ABCG2: variants seen among roughly 807,000 people sequenced by gnomAD.
ABCG2 encodes the protein broad substrate specificity ATP-binding cassette transporter ABCG2.
ABCG2 carries 80 observed loss-of-function variants against 73.5 expected under a neutral mutation model. The ratio of observed to expected loss-of-function variants is 1.09; its 90% CI spans 0.91 to 1.31. The LOEUF is 1.31. Ranked by LOEUF, ABCG2 falls within the 50% of genes most tolerant of loss-of-function variation. ABCG2 has a pLI of 0.00. For synonymous variants in ABCG2, 269 were observed against 282.4 expected, an observed-to-expected ratio of 0.95 and a Z score of 0.48; for missense variants, 796 against 786.2, an observed-to-expected ratio of 1.01 and a Z score of -0.15.
At chr4:88,226,708 A>G (rs1380408610) in intron 1 of ABCG2, 1 of 152,418 alleles carries the variant, frequency 6.6e-6, no homozygotes, top group Non-Finnish European at 1.5e-5. Flanking sequence ...ATGATAATCT[A>G]TTATTCAGTA....
At chr4:88,195,876 A>C (rs977065755) in intron 1 of ABCG2, among the ~76,000 whole-genome samples, 2 of 152,080 alleles carry the variant, frequency 1.3e-5, no homozygotes, top group Non-Finnish European at 2.9e-5. Context: ...TTTTTCTCTT[A>C]CTAGTCAAAT....
At chr4:88,162,822 TCA>T (rs1727367823), upstream of ABCG2, among the ~76,000 whole-genome samples, 1 of 152,196 alleles carries the variant, frequency 6.6e-6, no homozygotes, top group Admixed American at 6.5e-5. Context: ...GTTAAGTGAC[TCA>T]CAGCCTTCCA....
chr4:88,231,470 T>G (rs192660723), upstream of ABCG2: 1 of 152,298 alleles, frequency 6.6e-6, no homozygotes, highest in Non-Finnish European at 1.5e-5. Flanking sequence ...GTCAGAGAGA[T>G]ATTTTTGTAT....
rs45462692 is a variant in ABCG2, at chr4:88,094,048, T to C, written c.1820+529A>G. On this transcript the variant is annotated intron_variant, in intron 15 of 15. Transcript: ENST00000237612. ...CTATGCGGCCTTTGATTTCATGATG[T>C]CTTCCAAATGCATGAGGCAGTGGAA... Among the ~76,000 whole-genome samples the C allele has an allele frequency of 4.4e-3, 673 of 152,314 alleles. 8 individuals are homozygous for C. The highest frequency in any genetic ancestry group is 0.016 in the African/African-American group (645 of 41,574).
chr4:88,184,901 C>T (rs1399620909), intron 1 of ABCG2, among the ~76,000 whole-genome samples: 1 of 152,148 alleles, frequency 6.6e-6, no homozygotes, highest in Non-Finnish European at 1.5e-5. Flanking sequence ...CATACATCTA[C>T]AGTGAATTCA....
At chr4:88,214,773 A>T (rs1729744515) in intron 1 of ABCG2, among the ~76,000 whole-genome samples, 1 of 151,936 alleles carries the variant, frequency 6.6e-6, no homozygotes, top group Non-Finnish European at 1.5e-5. Context: ...CCGCACTCAA[A>T]TCTGTTTTTG....
intron 1 of ABCG2, among the ~76,000 whole-genome samples, chr4:88,199,007 C>T (rs1463536831): frequency 1.3e-5 from 2 of 151,992 alleles, no homozygotes; most frequent in African/African-American, 2.4e-5. Context: ...CTCGCTGTGT[C>T]ACCCAGGCTG....
At chr4:88,222,326 G>A (rs1730041675) in intron 1 of ABCG2, among the ~76,000 whole-genome samples, 1 of 152,196 alleles carries the variant, frequency 6.6e-6, no homozygotes. Flanking sequence ...CCTCTGCTAG[G>A]GCAGTGATAT....
chr4:88,131,761 A>G, intron 4 of ABCG2, 42 bp downstream of exon 4: 2 of 1,453,156 alleles, frequency 1.4e-6, no homozygotes, highest in Non-Finnish European at 9.6e-7. Context: ...TTACCCATAT[A>G]GAAACAGAGG....
chr4:88,127,959 GA>G (rs201520311), intron 5 of ABCG2, among the ~76,000 whole-genome samples: 10,361 of 132,852 alleles, frequency 0.078, 519 homozygotes, highest in East Asian at 0.22. Flanking sequence ...AAAAAAGAAA[GA>G]AAAAAAAAAA....
chr4:88,122,029 T>A (rs979295743), intron 5 of ABCG2, among the ~76,000 whole-genome samples: 3 of 150,674 alleles, frequency 2.0e-5, no homozygotes, highest in Non-Finnish European at 4.5e-5. Context: ...CCTCCTTGGG[T>A]GAGGCTATGC....
At position 88,121,792 on chromosome 4, in the gene ABCG2, C is replaced by A; in HGVS notation, c.532G>T (p.Val178Phe). Residue 178 changes from valine (V) to phenylalanine (F), a missense_variant and splice_region_variant, in exon 6 of 16, where the codon GTT (valine) becomes TTT (phenylalanine). Transcript: ENST00000237612. ...ACACCACGGATAAACTGAGTTCCAA[C>A]CTAAATCACAAATATTATAATTGTC... Reference protein sequence around the residue: ...LGLDKVADSKVGTQFIRGVSG... With the variant: ...LGLDKVADSKFGTQFIRGVSG... The A allele has an allele frequency of 5.0e-6, 8 of 1,612,014 alleles. No individual in the cohort carries two copies. Among genetic ancestry groups the A allele is most frequent in the Non-Finnish European group, 6.8e-6 (8 of 1,179,308 alleles).
chr4:88,158,178 A>T (rs1409890232), intron 1 of ABCG2, among the ~76,000 whole-genome samples: 1 of 152,210 alleles, frequency 6.6e-6, no homozygotes, highest in Non-Finnish European at 1.5e-5. Context: ...ACCCAGAATC[A>T]GTTTGCACCA....
At position 88,132,590 on chromosome 4, in the gene ABCG2, A is replaced by G; in HGVS notation, c.249T>C (p.Gly83=). 6.2e-7 allele frequency: 1 copy of G among 1,614,162 alleles called. No individual in the cohort carries two copies. The highest frequency in any genetic ancestry group is 8.5e-7 in the Non-Finnish European group (1 of 1,180,010). ...CTTATACTCACGAAGATTTGCCTCCACCTGTGGGTCCCAGGATGGCGTTGA... is the reference window on the plus strand; with the variant it reads ...CTTATACTCACGAAGATTTGCCTCCGCCTGTGGGTCCCAGGATGGCGTTGA... ...PGLNAILGPT[G]GGKSSLLDVL... The change falls in exon 3 of 16, where the codon GGT becomes GGC. Residue 83 remains glycine, a synonymous_variant. Transcript: ENST00000237612.
intron 1 of ABCG2, among the ~76,000 whole-genome samples, chr4:88,213,375 C>G (rs1443556276): frequency 6.6e-6 from 1 of 152,060 alleles, no homozygotes; most frequent in Non-Finnish European, 1.5e-5. Flanking sequence ...AACCTTATGT[C>G]CTACTTGACT....
At chr4:88,184,205 T>C (rs914874623) in intron 1 of ABCG2, among the ~76,000 whole-genome samples, 17 of 152,034 alleles carry the variant, frequency 1.1e-4, no homozygotes, top group Non-Finnish European at 1.9e-4. Context: ...GGAAGTCCTA[T>C]TTAGAGCAAT....
At chr4:88,128,485 C>T (rs1437988917) in intron 5 of ABCG2, among the ~76,000 whole-genome samples, 2 of 152,116 alleles carry the variant, frequency 1.3e-5, no homozygotes, top group African/African-American at 2.4e-5. Flanking sequence ...GTATTTATTG[C>T]AGCACTATTC....
chr4:88,094,422 T>G (rs1210706899), intron 15 of ABCG2, among the ~76,000 whole-genome samples, 155 bp downstream of exon 15: 4 of 152,208 alleles, frequency 2.6e-5, no homozygotes, highest in African/African-American at 9.7e-5. Context: ...CATGTTCACA[T>G]GCATTCGCGC....
At chr4:88,099,741 T>A (rs1722264688) in intron 11 of ABCG2, among the ~76,000 whole-genome samples, 1 of 152,142 alleles carries the variant, frequency 6.6e-6, no homozygotes, top group African/African-American at 2.4e-5. Context: ...ATTCCACACA[T>A]CCTCCCTCTC....
Sources: gnomAD v4.1 joint callset for allele counts (sites outside exome capture counted in the v4.1 genomes callset) on GRCh38, gnomAD v4.1.1 for gene constraint, MANE v1.5 for transcripts, NCBI Gene and HGNC (gene_info 2026-07-23, HGNC 2026-07-21) for gene names.